Variants in ZNF850 observed in about 807,000 individuals in gnomAD.
ZNF850 encodes the protein zinc finger protein 850, also known as putative zinc finger protein ENSP00000330994.
Under a neutral mutation model 11.9 loss-of-function variants are expected in ZNF850, and 2 were observed. The observed-to-expected ratio is 0.17, with a 90% CI of 0.07 to 0.53. The LOEUF is 0.53. ZNF850 is among the 20% of genes least tolerant of loss of function. ZNF850 has a pLI of 0.94. For missense variants in ZNF850, 1,014 were observed against 1,316.4 expected (o/e 0.77, Z 3.55); for synonymous variants, 381 against 443.0 (o/e 0.86, Z 1.76).
In ZNF850 at chr19:36,756,688, A is replaced by C. The variant is rs181254901; in HGVS notation, c.235+4955T>G. 4.5e-3 allele frequency among the ~76,000 whole-genome samples: 689 copies of C among 152,212 alleles called. 11 individuals carry two copies. The South Asian group carries it at 0.052, about 12-fold the overall frequency. On this transcript the variant is annotated intron_variant, in intron 4 of 4. Transcript: ENST00000591344. The stretch of plus-strand genomic sequence containing the variant: ...GAGTACAATGGCATGATCTTGGCTC[A>C]CTGCAACCTCCGCCTCCTGGGCTCA...
chr19:36,758,733 G>A (rs2040501316), intron 4 of ZNF850, among the ~76,000 whole-genome samples: 1 of 152,078 alleles, frequency 6.6e-6, no homozygotes, highest in Non-Finnish European at 1.5e-5. Flanking sequence ...AGTTGGATGA[G>A]GCAGCTCCAG....
rs192755231 is a variant in ZNF850, at chr19:36,746,479, T to C, written c.*1288A>G. 1.3e-5 allele frequency: 2 copies of C among 152,308 alleles called. No individual in the cohort carries two copies. The highest frequency in any genetic ancestry group is 1.3e-4 in the Admixed American group (2 of 15,284). The allele number at this position is 152,308 out of a possible 1,614,324, so 9.4% of individuals were successfully genotyped here. On this transcript the variant is annotated 3_prime_UTR_variant, in exon 5 of 5. Coordinates refer to ENST00000591344, the MANE Select transcript of ZNF850 (RefSeq NM_001193552.2). Reference sequence around the variant, plus strand: ...CGATTCTCCAGCCTTGCCTCCTGAATAGCTGGGATTACAGGCATATGCCAC... The same window carrying C: ...CGATTCTCCAGCCTTGCCTCCTGAACAGCTGGGATTACAGGCATATGCCAC...
At chr19:36,750,966 T>G (rs2040450187) in intron 4 of ZNF850, among the ~76,000 whole-genome samples, 162 bp from the exon 5 acceptor site, 2 of 150,322 alleles carry the variant, frequency 1.3e-5, no homozygotes, top group South Asian at 4.2e-4. Context: ...TTTGGGAGTC[T>G]GAGACAGGAG....
chr19:36,747,418 A>C lies in ZNF850; in HGVS notation c.*349T>G, dbSNP rs1434087127. 5.6e-6 allele frequency: 1 copy of C among 178,158 alleles called. No homozygotes were observed. Among genetic ancestry groups the C allele is most frequent in the Admixed American group, 5.5e-5 (1 of 18,218 alleles). 11.0% of individuals were successfully genotyped at this position (178,158 alleles called of 1,614,324 possible). A position where few individuals can be genotyped will look rare whatever the true frequency, so the allele number is the denominator to read the frequency against. ...ATTTTGGTGGGTGGATCACCAGGTC[A>C]GGAGATCGAGACCATCCTGGCTAAC... On this transcript the variant is annotated 3_prime_UTR_variant, in exon 5 of 5. Transcript: ENST00000591344.
intron 1 of ZNF850, among the ~76,000 whole-genome samples, chr19:36,771,813 C>T (rs1312864044): frequency 6.6e-6 from 1 of 152,180 alleles, no homozygotes; most frequent in Non-Finnish European, 1.5e-5. Context: ...GCGAAACATC[C>T]TTCCCAACCG....
chr19:36,765,319 G>A (rs117507307), intron 1 of ZNF850, among the ~76,000 whole-genome samples: 6 of 152,308 alleles, frequency 3.9e-5, no homozygotes, highest in Non-Finnish European at 8.8e-5. Context: ...TGACAGGACC[G>A]TGGTTGCAGG....
chr19:36,748,205 A>G lies in ZNF850; in HGVS notation c.2835T>C (p.Ser945=). 1.3e-6 allele frequency: 2 copies of G among 1,553,604 alleles called. No individual in the cohort carries two copies. Among genetic ancestry groups the G allele is most frequent in the Non-Finnish European group, 1.7e-6 (2 of 1,152,442 alleles). Residue 945 remains serine (S), a synonymous_variant, in exon 5 of 5, where the codon AGT becomes AGC. Transcript: ENST00000591344. ...VRFSGLTKHH[S]IHTGEKPYEC... ...CATAGGGTTTCTCGCCAGTGTGAAT[A>G]CTGTGATGTTTGGTGAGTCCTGAGA...
intron 4 of ZNF850, among the ~76,000 whole-genome samples, chr19:36,754,717 G>A (rs1424089697): frequency 1.5e-4 from 23 of 151,814 alleles, no homozygotes; most frequent in African/African-American, 1.9e-4. Flanking sequence ...CACCACGCCC[G>A]GCTAATTTTT....
intron 1 of ZNF850, among the ~76,000 whole-genome samples, chr19:36,764,368 G>C (rs2040536994): frequency 6.6e-6 from 1 of 152,174 alleles, no homozygotes; most frequent in Non-Finnish European, 1.5e-5. Flanking sequence ...GAGACACCTG[G>C]TCATGGGTCA....
intron 3 of ZNF850, among the ~76,000 whole-genome samples, chr19:36,762,063 G>GA (rs2040522286): frequency 8.5e-6 from 1 of 118,102 alleles, no homozygotes; most frequent in South Asian, 2.6e-4. Context: ...AAAAAAAAAA[G>GA]AAAAGAAGTG....
intron 1 of ZNF850, among the ~76,000 whole-genome samples, chr19:36,772,394 C>A (rs1286583358): frequency 6.6e-6 from 1 of 152,186 alleles, no homozygotes; most frequent in Non-Finnish European, 1.5e-5. Flanking sequence ...CACCAAGGGG[C>A]CACACAAGTT....
Position 36,750,310 on chromosome 19 carries a change from G to C in ZNF850, c.730C>G (p.Gln244Glu). 1 of 1,536,584 alleles carries C rather than the reference G, an allele frequency of 6.5e-7. No homozygotes were observed. Among genetic ancestry groups the C allele is most frequent in the South Asian group, 1.2e-5 (1 of 84,052 alleles). ...GGTCTCTCATCTGTATACATTTTCTGGTGTTGAATAAGATGTGAGCCAGAA... is the reference window on the plus strand; with the variant it reads ...GGTCTCTCATCTGTATACATTTTCTCGTGTTGAATAAGATGTGAGCCAGAA... ...FISGSHLIQH[Q>E]KMYTDERPHE... The change falls in exon 5 of 5, where the codon CAG becomes GAG. Residue 244 changes from glutamine to glutamate, a missense_variant. Gln to Glu is a conservative substitution (Grantham distance 29). Transcript: ENST00000591344.
chr19:36,748,357 T>C lies in ZNF850; in HGVS notation c.2683A>G (p.Lys895Glu). Residue 895 changes from lysine (K) to glutamate (E), a missense_variant, in exon 5 of 5, where the codon AAA becomes GAA. Physicochemically the swap from Lys to Glu is moderately conservative, Grantham distance 56. Transcript: ENST00000591344. ...IQHRRIHTGE[K>E]PYDCKECGKA... is the part of the protein sequence containing the mutation. The stretch of plus-strand genomic sequence containing the variant: ...CCACATTCCTTACAATCATAGGGTT[T>C]CTCACCAGTGTGAATTCGCCGATGT... The C allele has an allele frequency of 1.3e-6, 2 of 1,570,730 alleles. No homozygotes were observed. The highest frequency in any genetic ancestry group is 2.4e-5 in the South Asian group (2 of 84,652).
intron 4 of ZNF850, among the ~76,000 whole-genome samples, chr19:36,761,225 A>G (rs962427544): frequency 2.6e-5 from 4 of 152,034 alleles, no homozygotes; most frequent in African/African-American, 9.7e-5. Context: ...GGATCACTTG[A>G]GGTCAGGAGT....
chr19:36,762,484 G>A (rs2040525230), intron 2 of ZNF850, 53 bp from the exon 3 acceptor site: 12 of 1,529,870 alleles, frequency 7.8e-6, no homozygotes, highest in Non-Finnish European at 1.0e-5. Context: ...AGGTTTTTAA[G>A]ATGAAGGAAG....
At chr19:36,768,616 T>C (rs1398887054) in intron 1 of ZNF850, among the ~76,000 whole-genome samples, 1 of 152,202 alleles carries the variant, frequency 6.6e-6, no homozygotes, top group Non-Finnish European at 1.5e-5. Flanking sequence ...TCTAGGGTTC[T>C]ACCTTTTCTG....
At chr19:36,762,484 G>T in intron 2 of ZNF850, 53 bp from the exon 3 acceptor site, 3 of 1,529,870 alleles carry the variant, frequency 2.0e-6, no homozygotes, top group Middle Eastern at 3.5e-4. Context: ...AGGTTTTTAA[G>T]ATGAAGGAAG....
At chr19:36,769,245 C>A (rs1600618290) in intron 1 of ZNF850, among the ~76,000 whole-genome samples, 2 of 96,368 alleles carry the variant, frequency 2.1e-5, no homozygotes, top group African/African-American at 8.6e-5. Context: ...CTGGGCAAGG[C>A]AGAGTAAGAC....
intron 1 of ZNF850, among the ~76,000 whole-genome samples, chr19:36,769,283 AGAAAG>A (rs1568740676): frequency 8.8e-5 from 4 of 45,410 alleles, no homozygotes; most frequent in African/African-American, 2.2e-4. Flanking sequence ...AAAAAAAGAA[AGAAAG>A]AAAGAAAGAA....
Sources: allele counts gnomAD v4.1 joint callset (sites outside exome capture counted in the v4.1 genomes callset), GRCh38; gene constraint gnomAD v4.1.1; transcripts MANE v1.5; gene names NCBI Gene and HGNC (gene_info 2026-07-23, HGNC 2026-07-21).